Variants in ANKRD44 observed in about 807,000 individuals in gnomAD.
ANKRD44 encodes ankyrin repeat domain 44, also known as serine/threonine-protein phosphatase 6 regulatory ankyrin repeat subunit B.
Under a neutral mutation model 116.0 loss-of-function variants are expected in ANKRD44, and 35 were observed. The observed-to-expected ratio is 0.30, with a 90% CI of 0.23 to 0.40. The LOEUF is 0.40. Among genes scored for constraint, ANKRD44 ranks in the 10% least tolerant of loss-of-function variants. The pLI is 1.00. For missense variants in ANKRD44, 1,014 were observed against 1,242.6 expected, an observed-to-expected ratio of 0.82 and a Z score of 2.77; for synonymous variants, 435 against 461.8, an observed-to-expected ratio of 0.94 and a Z score of 0.74.
In ANKRD44 at chr2:197,033,432, G is replaced by A. The variant is rs2076745601; in HGVS notation, c.1651-8165C>T. On this transcript the variant is annotated intron_variant, in intron 16 of 27. Coordinates refer to ENST00000282272, the MANE Select transcript of ANKRD44 (RefSeq NM_001195144.2). Reference sequence around the variant, plus strand: ...TGCTACGAGTCAAGCACTCTCCTAGGGGCCTTACATGAATCATCTCAATAA... The same window carrying A: ...TGCTACGAGTCAAGCACTCTCCTAGAGGCCTTACATGAATCATCTCAATAA... Among the ~76,000 whole-genome samples, 3 of 152,214 alleles carry A rather than the reference G, an allele frequency of 2.0e-5. No individual in the cohort carries two copies. The South Asian group carries it at 6.2e-4, about 32-fold the overall frequency.
At chr2:197,123,670 T>A (rs1314475499) in intron 6 of ANKRD44, among the ~76,000 whole-genome samples, 1 of 152,156 alleles carries the variant, frequency 6.6e-6, no homozygotes, top group Non-Finnish European at 1.5e-5. Context: ...ACAAGCATAT[T>A]TGACCTTTAT....
chr2:197,025,124 A>G, intron 17 of ANKRD44, 72 bp downstream of exon 17: 1 of 1,437,800 alleles, frequency 7.0e-7, no homozygotes, highest in Non-Finnish European at 9.8e-7. Context: ...TTACATTTTA[A>G]GAGCAATCTA....
chr2:197,197,822 AAAAAAAAAG>A (rs1261784370), intron 1 of ANKRD44, among the ~76,000 whole-genome samples: 73 of 143,906 alleles, frequency 5.1e-4, no homozygotes, highest in Non-Finnish European at 8.5e-4. Context: ...AAAAAAAAAA[AAAAAAAAAG>A]AAAGAAAGAA....
At chr2:197,211,368 T>C (rs1055527115) in intron 1 of ANKRD44, among the ~76,000 whole-genome samples, 2 of 152,186 alleles carry the variant, frequency 1.3e-5, no homozygotes, top group Non-Finnish European at 2.9e-5. Flanking sequence ...CAGTGAATCC[T>C]CCAACTATCC....
At chr2:197,086,013 GCACAAGGAGGTGT>G (rs1402981247) in intron 13 of ANKRD44, among the ~76,000 whole-genome samples, 2 of 152,066 alleles carry the variant, frequency 1.3e-5, no homozygotes, top group Non-Finnish European at 2.9e-5. Context: ...TGCCATCGGT[GCACAAGGAGGTGT>G]CACTGACATG....
intron 4 of ANKRD44, among the ~76,000 whole-genome samples, chr2:197,127,709 T>C (rs1380604820): frequency 6.6e-6 from 1 of 152,206 alleles, no homozygotes; most frequent in Admixed American, 6.5e-5. Flanking sequence ...ATGTGCAGAA[T>C]GTACAGGTTA....
intron 21 of ANKRD44, among the ~76,000 whole-genome samples, chr2:196,981,198 C>T (rs1183481558): frequency 2.6e-5 from 4 of 152,064 alleles, no homozygotes; most frequent in African/African-American, 9.7e-5. Context: ...TTTCAGTATC[C>T]ATCACCTCCC....
intron 4 of ANKRD44, chr2:197,134,704 G>A (rs1237732159): frequency 6.6e-6 from 1 of 151,104 alleles, no homozygotes; most frequent in Non-Finnish European, 1.5e-5. Flanking sequence ...GTTTTTTTTT[G>A]TAGCTCCATG....
intron 16 of ANKRD44, among the ~76,000 whole-genome samples, chr2:197,070,899 T>C (rs971635944): frequency 7.2e-5 from 11 of 152,184 alleles, no homozygotes; most frequent in Admixed American, 7.2e-4. Flanking sequence ...TAAAATTTAA[T>C]TTTCTGAATA....
chr2:197,295,878 G>GGT (rs916776344), intron 1 of ANKRD44, among the ~76,000 whole-genome samples: 1 of 151,992 alleles, frequency 6.6e-6, no homozygotes, highest in African/African-American at 2.4e-5. Context: ...TGGGCAACAT[G>GGT]GTGAAACCCT....
Position 197,025,282 on chromosome 2 carries a change from A to G in ANKRD44, c.1651-15T>C, listed in dbSNP as rs1574299862. 2 of 1,607,106 alleles carry G rather than the reference A, an allele frequency of 1.2e-6. No individual in the cohort carries two copies. The highest frequency in any genetic ancestry group is 2.7e-5 in the African/African-American group (2 of 75,004). ...CTTTCCAAAAGCTGTGGAGACAAAA[A>G]GCAAACAATAGTACGTGAGTCCAAA... On this transcript the variant is annotated splice_polypyrimidine_tract_variant and intron_variant, in intron 16 of 27. Transcript: ENST00000282272.
chr2:197,233,870 A>C (rs565006128), intron 1 of ANKRD44, among the ~76,000 whole-genome samples: 1 of 152,232 alleles, frequency 6.6e-6, no homozygotes, highest in Non-Finnish European at 1.5e-5. Flanking sequence ...TAGCCAAATA[A>C]TACCTAAATA....
At chr2:197,109,257 C>T (rs527794361) in intron 9 of ANKRD44, among the ~76,000 whole-genome samples, 2 of 152,104 alleles carry the variant, frequency 1.3e-5, no homozygotes, top group South Asian at 4.1e-4. Context: ...GAGACGTGCT[C>T]GAAAGAGACT....
At chr2:197,175,583 G>A (rs2080345525) in intron 2 of ANKRD44, among the ~76,000 whole-genome samples, 1 of 152,066 alleles carries the variant, frequency 6.6e-6, no homozygotes, top group African/African-American at 2.4e-5. Context: ...CTCCCCCAAA[G>A]AAAGGGACAT....
At chr2:197,195,930 T>G (rs1490204569) in intron 1 of ANKRD44, among the ~76,000 whole-genome samples, 1 of 152,188 alleles carries the variant, frequency 6.6e-6, no homozygotes, top group Non-Finnish European at 1.5e-5. Flanking sequence ...AACCTAAACT[T>G]TAGCTAAGAT....
chr2:197,166,067 T>C (rs73991228), intron 2 of ANKRD44, among the ~76,000 whole-genome samples: 8,668 of 152,240 alleles, frequency 0.057, 823 homozygotes, highest in African/African-American at 0.2. Context: ...GAACCCTAAA[T>C]CTGCCTGCAG....
intron 16 of ANKRD44, among the ~76,000 whole-genome samples, chr2:197,059,883 G>A (rs1171511220): frequency 1.3e-5 from 2 of 152,184 alleles, no homozygotes; most frequent in Non-Finnish European, 2.9e-5. Context: ...GTCAAACCAA[G>A]TCCAGACATT....
At chr2:196,970,482 C>T (rs1414874788) in intron 21 of ANKRD44, among the ~76,000 whole-genome samples, 1 of 152,052 alleles carries the variant, frequency 6.6e-6, no homozygotes, top group African/African-American at 2.4e-5. Flanking sequence ...ATTTTGATGG[C>T]TCTTATTGGA....
At chr2:197,190,032 G>A (rs1230419398) in intron 1 of ANKRD44, among the ~76,000 whole-genome samples, 4 of 152,168 alleles carry the variant, frequency 2.6e-5, no homozygotes, top group African/African-American at 7.2e-5. Flanking sequence ...GCAGGGAGTG[G>A]TGCCTCTGGG....
Sources: allele counts gnomAD v4.1 joint callset (sites outside exome capture counted in the v4.1 genomes callset), GRCh38; gene constraint gnomAD v4.1.1; transcripts MANE v1.5; gene names NCBI Gene and HGNC (gene_info 2026-07-23, HGNC 2026-07-21).